AGAP1: variants seen among roughly 807,000 people sequenced by gnomAD.
The protein encoded by AGAP1 is ArfGAP with GTPase domain, ankyrin repeat and PH domain 1, also known as arf-GAP with GTPase, ANK repeat and PH domain-containing protein 1.
In AGAP1, 29 loss-of-function variants were observed where a neutral mutation model predicts 105.3. The ratio of observed to expected loss-of-function variants is 0.28; its 90% confidence interval spans 0.21 to 0.38. The LOEUF (loss-of-function observed/expected upper bound fraction) is 0.38, where lower values mean the gene tolerates loss of function less well. AGAP1 is among the 10% of genes least tolerant of loss of function. AGAP1 has a pLI of 1.00. For missense variants in AGAP1, 998 were observed against 1,165.1 expected (o/e 0.86, Z 2.09); for synonymous variants, 509 against 485.9 (o/e 1.05, Z -0.63).
chr2:235,597,488 C>G (rs1412691353), intron 1 of AGAP1, among the ~76,000 whole-genome samples: 1 of 152,216 alleles, frequency 6.6e-6, no homozygotes, highest in Non-Finnish European at 1.5e-5. Flanking sequence ...TCCTGAGCTT[C>G]AGACTAGTTG....
intron 8 of AGAP1, 29 bp from the exon 9 acceptor site, chr2:235,807,210 C>T: frequency 6.2e-7 from 1 of 1,605,404 alleles, no homozygotes; most frequent in Non-Finnish European, 8.5e-7. Flanking sequence ...AGCCCTTACC[C>T]AGATGCCAAC....
At chr2:235,917,575 C>T (rs1251911903) in intron 11 of AGAP1, among the ~76,000 whole-genome samples, 1 of 151,922 alleles carries the variant, frequency 6.6e-6, no homozygotes. Flanking sequence ...TGACAGGGAC[C>T]GGGGTAATAA....
At chr2:236,100,847 A>C (rs2059328981) in intron 16 of AGAP1, among the ~76,000 whole-genome samples, 1 of 151,660 alleles carries the variant, frequency 6.6e-6, no homozygotes, top group African/African-American at 2.4e-5. Context: ...AAAAAAAAAA[A>C]AATTAGTTGA....
chr2:235,980,211 T>C (rs1048095556), intron 13 of AGAP1, among the ~76,000 whole-genome samples: 3 of 152,238 alleles, frequency 2.0e-5, no homozygotes, highest in East Asian at 1.9e-4. Context: ...TAGTCAATTA[T>C]GCATGGCCCC....
rs560224999 is a variant in AGAP1, at chr2:236,000,019, G to T, written c.1645+31396G>T. Among the ~76,000 whole-genome samples, 1 of 152,148 alleles carries T rather than the reference G, an allele frequency of 6.6e-6. No homozygotes were observed. Among genetic ancestry groups the T allele is most frequent in the African/African-American group, 2.4e-5 (1 of 41,506 alleles). The stretch of plus-strand genomic sequence containing the variant: ...TTCTAATGACTGTCAGAAAGAATAC[G>T]TGAAGGCCAGCTTCTAGACCAGTGT... On this transcript the variant is annotated intron_variant, in intron 13 of 17. Coordinates refer to ENST00000304032, the MANE Select transcript of AGAP1 (RefSeq NM_001037131.3). The surrounding 1 kb of genome is among the most constrained non-coding windows in gnomAD (Gnocchi z 4.3).
chr2:235,548,392 G>A (rs904661282), intron 1 of AGAP1, among the ~76,000 whole-genome samples: 9 of 152,172 alleles, frequency 5.9e-5, no homozygotes, highest in African/African-American at 1.9e-4. Flanking sequence ...AGGCGCAGTG[G>A]CTCACACCTG....
At chr2:236,033,982 G>A (rs1049703570) in intron 13 of AGAP1, among the ~76,000 whole-genome samples, 1 of 152,212 alleles carries the variant, frequency 6.6e-6, no homozygotes, top group African/African-American at 2.4e-5. Context: ...AGCCTGTCGA[G>A]TTGATCTCAT....
Position 235,677,036 on chromosome 2 carries a change from G to T in AGAP1, c.164-32143G>T, listed in dbSNP as rs976544209. On this transcript the variant is annotated intron_variant, in intron 1 of 17. Transcript: ENST00000304032. ...TCAGCCCAAATTAGAATCCGCTGTG[G>T]TGTTGATTGTTCCTTGTTGGTGATA... Among the ~76,000 whole-genome samples, 5 of 152,244 alleles carry T rather than the reference G, an allele frequency of 3.3e-5. No individual in the cohort carries two copies. The East Asian group carries it at 7.7e-4, about 23-fold the overall frequency.
At chr2:235,764,017 C>G (rs562306392) in intron 6 of AGAP1, among the ~76,000 whole-genome samples, 1 of 152,022 alleles carries the variant, frequency 6.6e-6, no homozygotes, top group African/African-American at 2.4e-5. Context: ...GTGGCTGTGA[C>G]CCGTGCGTGG....
chr2:235,619,695 A>G (rs1362706866), intron 1 of AGAP1, among the ~76,000 whole-genome samples: 3 of 152,170 alleles, frequency 2.0e-5, no homozygotes, highest in African/African-American at 7.2e-5. Context: ...GGCTGGCTGC[A>G]CTAGAAGGGG....
Position 235,746,384 on chromosome 2 carries a change from T to C in AGAP1, c.538+1545T>C, listed in dbSNP as rs1225130697. 4.9e-3 allele frequency among the ~76,000 whole-genome samples: 338 copies of C among 68,968 alleles called. 2 individuals carry two copies. Among genetic ancestry groups the C allele is most frequent in the African/African-American group, 0.013 (319 of 24,068 alleles). 45.2% of individuals were successfully genotyped at this position (68,968 alleles called of 152,430 possible). A position where few individuals can be genotyped will look rare whatever the true frequency, so the allele number is the denominator to read the frequency against. On this transcript the variant is annotated intron_variant, in intron 5 of 17. Transcript: ENST00000304032. ...GGAGAGCACCTCCCCCAACTTTTTT[T>C]TTTTTTTTTTTTTTTTTTTTTTTTT...
Position 235,962,918 on chromosome 2 carries a change from G to A in AGAP1, c.1484-5544G>A, listed in dbSNP as rs980381994. 1.2e-4 allele frequency among the ~76,000 whole-genome samples: 19 copies of A among 152,098 alleles called. No individual in the cohort carries two copies. Among genetic ancestry groups the A allele is most frequent in the African/African-American group, 4.3e-4 (18 of 41,442 alleles). ...TCCACCCAGTTTGATACCCAGAAAC[G>A]TCTCCAGCCATTGCCAGAGGTCCTG... On this transcript the variant is annotated intron_variant, in intron 12 of 17. Coordinates refer to ENST00000304032, the MANE Select transcript of AGAP1 (RefSeq NM_001037131.3). The surrounding 1 kb of genome is among the most constrained non-coding windows in gnomAD (Gnocchi z 5.3).
At chr2:236,037,477 A>G (rs2057417870) in intron 14 of AGAP1, among the ~76,000 whole-genome samples, 1 of 152,136 alleles carries the variant, frequency 6.6e-6, no homozygotes, top group African/African-American at 2.4e-5. Flanking sequence ...AGCTCACTGC[A>G]ACCTCCAAGC....
At chr2:236,023,149 GT>G (rs2056939565) in intron 13 of AGAP1, among the ~76,000 whole-genome samples, 1 of 152,204 alleles carries the variant, frequency 6.6e-6, no homozygotes, top group Non-Finnish European at 1.5e-5. Flanking sequence ...TTCCGTCTGA[GT>G]TTCCGACCCC....
chr2:235,760,254 C>T (rs1463628442), intron 6 of AGAP1, among the ~76,000 whole-genome samples: 2 of 152,200 alleles, frequency 1.3e-5, no homozygotes, highest in African/African-American at 2.4e-5. Context: ...TGGCGTGTGC[C>T]TGTAGTCCCG....
chr2:236,107,921 G>A (rs764180028), intron 16 of AGAP1, among the ~76,000 whole-genome samples: 23 of 152,272 alleles, frequency 1.5e-4, no homozygotes, highest in Admixed American at 3.9e-4. Flanking sequence ...GTTCCTCTGC[G>A]CTCATAAAAC....
rs967651689 is a variant in AGAP1, at chr2:235,639,911, T to C, written c.164-69268T>C. Among the ~76,000 whole-genome samples the C allele has an allele frequency of 1.3e-4, 20 of 152,326 alleles. No individual in the cohort carries two copies. The highest frequency in any genetic ancestry group is 4.3e-4 in the African/African-American group (18 of 41,576). On this transcript the variant is annotated intron_variant, in intron 1 of 17. Transcript: ENST00000304032. This position sits in a 1 kb window ranked among gnomAD's most constrained non-coding sequence, Gnocchi z 5.3. ...GATGGACAGTTTCCCCTTCAGCACC[T>C]TTATAGTTGTAATTTGCCCATGATG...
chr2:235,978,935 C>T (rs368663635), intron 13 of AGAP1, among the ~76,000 whole-genome samples: 36 of 152,256 alleles, frequency 2.4e-4, no homozygotes, highest in African/African-American at 8.7e-4. Context: ...CAAATCACTG[C>T]TTCAGCTGCT....
Position 235,555,564 on chromosome 2 carries a change from C to T in AGAP1, c.163+60715C>T, listed in dbSNP as rs1284133654. Among the ~76,000 whole-genome samples, 4 of 152,234 alleles carry T rather than the reference C, an allele frequency of 2.6e-5. No homozygotes were observed. Among genetic ancestry groups the T allele is most frequent in the Admixed American group, 2.6e-4 (4 of 15,284 alleles). On this transcript the variant is annotated intron_variant, in intron 1 of 17. Coordinates refer to ENST00000304032, the MANE Select transcript of AGAP1 (RefSeq NM_001037131.3). The surrounding 1 kb of genome is among the most constrained non-coding windows in gnomAD (Gnocchi z 5.1). ...CCCTCTGCCACCGCCAGCTGTCCTG[C>T]AGCAGGAAGAGGTAGTCATGTTTGG...
Sources: gnomAD v4.1 joint callset for allele counts (sites outside exome capture counted in the v4.1 genomes callset) on GRCh38, gnomAD v4.1.1 for gene constraint, Gnocchi (gnomAD v3.1) non-coding constraint, MANE v1.5 for transcripts, NCBI Gene and HGNC (gene_info 2026-07-23, HGNC 2026-07-21) for gene names.